HSF2BP: variants seen among roughly 807,000 people sequenced by gnomAD.
HSF2BP encodes the protein heat shock factor 2-binding protein.
In HSF2BP, 35 loss-of-function variants were observed where a neutral mutation model predicts 35.0. The ratio of observed to expected loss-of-function variants is 1.00; its 90% CI spans 0.76 to 1.32. HSF2BP has a LOEUF of 1.32. Ranked by LOEUF, HSF2BP falls within the 40% of genes most tolerant of loss-of-function variation. The pLI is 0.00. For missense variants in HSF2BP, 326 were observed against 321.7 expected (o/e 1.01, Z -0.10); for synonymous variants, 114 against 117.4 (o/e 0.97, Z 0.18).
intron 4 of HSF2BP, 24 bp downstream of exon 4, chr21:43,644,265 A>C (rs2082678740): frequency 1.3e-6 from 2 of 1,582,850 alleles, no homozygotes; most frequent in East Asian, 4.5e-5. Flanking sequence ...TGGCTTGGTG[A>C]GAGTCTGTCC....
intron 8 of HSF2BP, among the ~76,000 whole-genome samples, chr21:43,581,776 C>T (rs1485051126): frequency 6.6e-6 from 1 of 151,790 alleles, no homozygotes; most frequent in Non-Finnish European, 1.5e-5. Flanking sequence ...ATATAGCTGG[C>T]ACTGCCAAGT....
At chr21:43,590,443 A>G (rs2081911765) in intron 8 of HSF2BP, among the ~76,000 whole-genome samples, 1 of 152,180 alleles carries the variant, frequency 6.6e-6, no homozygotes, top group South Asian at 2.1e-4. Flanking sequence ...ACTAACATGC[A>G]CCTACCACAT....
rs1350239323 is a variant in HSF2BP, at chr21:43,658,048, C to A, written c.36+13G>T. 6.5e-7 allele frequency: 1 copy of A among 1,535,878 alleles called. No homozygotes were observed. The highest frequency in any genetic ancestry group is 8.7e-7 in the Non-Finnish European group (1 of 1,146,312). ...TCAAACACGCTGGCGTCGGCCAGGG[C>A]TTCCTCACTAACCCGGCAGGCCTCC... On this transcript the variant is annotated intron_variant, in intron 2 of 8. Coordinates refer to ENST00000291560, the MANE Select transcript of HSF2BP (RefSeq NM_007031.2).
intron 6 of HSF2BP, among the ~76,000 whole-genome samples, chr21:43,621,269 G>A (rs2082328348): frequency 6.6e-6 from 1 of 152,212 alleles, no homozygotes; most frequent in Non-Finnish European, 1.5e-5. Flanking sequence ...GCTCATGCCT[G>A]TAATCCCAGC....
intron 3 of HSF2BP, among the ~76,000 whole-genome samples, chr21:43,653,801 G>A (rs888998544): frequency 6.6e-6 from 1 of 152,180 alleles, no homozygotes; most frequent in Non-Finnish European, 1.5e-5. Flanking sequence ...CAGCAGTGGA[G>A]ACAGACGCAG....
chr21:43,641,713 C>G (rs931900581), intron 4 of HSF2BP, among the ~76,000 whole-genome samples: 5 of 151,832 alleles, frequency 3.3e-5, no homozygotes, highest in African/African-American at 1.2e-4. Context: ...TTTGGGAGAC[C>G]AAAGTGGATG....
intron 8 of HSF2BP, among the ~76,000 whole-genome samples, chr21:43,587,214 G>A (rs993325192): frequency 1.3e-5 from 2 of 152,114 alleles, no homozygotes; most frequent in African/African-American, 4.8e-5. Context: ...ACATAACTCA[G>A]GAGTCAAACA....
intron 8 of HSF2BP, among the ~76,000 whole-genome samples, chr21:43,580,034 G>A (rs911475099): frequency 3.9e-5 from 6 of 152,106 alleles, no homozygotes; most frequent in African/African-American, 1.4e-4. Context: ...CCTAGCTCAG[G>A]GCTCTCATGA....
chr21:43,647,500 G>C (rs1418441587), intron 3 of HSF2BP, among the ~76,000 whole-genome samples: 3 of 152,098 alleles, frequency 2.0e-5, no homozygotes, highest in African/African-American at 7.2e-5. Context: ...CAAAGTGCTG[G>C]GATTACAGGC....
intron 3 of HSF2BP, among the ~76,000 whole-genome samples, chr21:43,653,995 C>T (rs1442558975): frequency 6.6e-6 from 1 of 151,984 alleles, no homozygotes; most frequent in Non-Finnish European, 1.5e-5. Flanking sequence ...GAACAGATAG[C>T]ATGAGGCAGA....
chr21:43,649,298 T>C (rs1356203159), intron 3 of HSF2BP, among the ~76,000 whole-genome samples: 1 of 151,988 alleles, frequency 6.6e-6, no homozygotes, highest in East Asian at 1.9e-4. Context: ...CCGGGCATGA[T>C]GGCGCGCACC....
chr21:43,579,138 T>C (rs2146694906), intron 8 of HSF2BP, among the ~76,000 whole-genome samples: 1 of 152,352 alleles, frequency 6.6e-6, no homozygotes, highest in South Asian at 2.1e-4. Context: ...GTAACTAAGA[T>C]TGTCATCAGT....
chr21:43,626,594 T>C (rs897957953), intron 6 of HSF2BP, among the ~76,000 whole-genome samples: 1 of 152,244 alleles, frequency 6.6e-6, no homozygotes, highest in Non-Finnish European at 1.5e-5. Flanking sequence ...TGGTCTTGTA[T>C]GGAAAATGTT....
At chr21:43,588,380 AAAAT>A (rs749259279) in intron 8 of HSF2BP, among the ~76,000 whole-genome samples, 3 of 152,082 alleles carry the variant, frequency 2.0e-5, no homozygotes, top group East Asian at 1.9e-4. Context: ...CTCCATCTCA[AAAAT>A]AAATAAATAA....
intron 8 of HSF2BP, among the ~76,000 whole-genome samples, chr21:43,583,595 C>CCTGAGGGAGATGAAGGGACTG (rs1568886405): frequency 1.8e-5 from 2 of 109,502 alleles, no homozygotes; most frequent in Admixed American, 1.0e-4. Context: ...ATGAGGACCT[C>CCTGAGGGAGATGAAGGGACTG]CTGAGGGAGA....
intron 2 of HSF2BP, among the ~76,000 whole-genome samples, chr21:43,657,023 T>G (rs1369270887): frequency 1.3e-5 from 2 of 151,218 alleles, no homozygotes; most frequent in Non-Finnish European, 2.9e-5. Context: ...AGGCCAGGAG[T>G]TCAAGACCAG....
At chr21:43,647,330 G>T (rs1186220304) in intron 3 of HSF2BP, among the ~76,000 whole-genome samples, 1 of 152,012 alleles carries the variant, frequency 6.6e-6, no homozygotes, top group Non-Finnish European at 1.5e-5. Context: ...AGGTTCAAGT[G>T]ATCCTCTTAA....
At chr21:43,651,336 C>T (rs1468269352) in intron 3 of HSF2BP, among the ~76,000 whole-genome samples, 1 of 152,150 alleles carries the variant, frequency 6.6e-6, no homozygotes, top group Non-Finnish European at 1.5e-5. Flanking sequence ...CCTGTATCTC[C>T]ATACTCTCAC....
chr21:43,595,590 C>T (rs4309654), intron 7 of HSF2BP, among the ~76,000 whole-genome samples: 6 of 151,776 alleles, frequency 4.0e-5, no homozygotes, highest in Non-Finnish European at 1.5e-5. Context: ...CCCAGGAGGT[C>T]GAGGCTGCAA....
Sources: gnomAD v4.1 joint callset for allele counts (sites outside exome capture counted in the v4.1 genomes callset) on GRCh38, gnomAD v4.1.1 for gene constraint, MANE v1.5 for transcripts, NCBI Gene and HGNC (gene_info 2026-07-23, HGNC 2026-07-21) for gene names.